The following ZNG1F variants were observed in gnomAD, a reference collection of about 807,000 sequenced individuals.
The protein encoded by ZNG1F is zinc-regulated GTPase metalloprotein activator 1F.
chr9:41,203,039 G>T, the ZNG1F span, among the ~76,000 whole-genome samples: 3 of 152,192 alleles, frequency 2.0e-5, no homozygotes, highest in Non-Finnish European at 4.4e-5. Flanking sequence ...ACTTGGATTT[G>T]TCTTATGTTT....
chr9:41,154,701 C>T, the ZNG1F span, among the ~76,000 whole-genome samples: 3 of 149,212 alleles, frequency 2.0e-5, no homozygotes, highest in African/African-American at 7.4e-5. Flanking sequence ...AATAATGCCG[C>T]ATATCTACAA....
the ZNG1F span, among the ~76,000 whole-genome samples, chr9:41,199,898 T>C: frequency 6.8e-6 from 1 of 147,874 alleles, no homozygotes; most frequent in African/African-American, 2.5e-5. Context: ...TTGGCTCCTT[T>C]CATTCATGGC....
chr9:41,150,791 AGAAAG>A, the ZNG1F span, among the ~76,000 whole-genome samples: 1 of 68,832 alleles, frequency 1.5e-5, no homozygotes, highest in South Asian at 6.8e-4. Context: ...ACTAACAAAC[AGAAAG>A]GACATCCACA....
At chr9:41,155,192 A>G in the ZNG1F span, among the ~76,000 whole-genome samples, 1 of 151,430 alleles carries the variant, frequency 6.6e-6, no homozygotes, top group Non-Finnish European at 1.5e-5. Flanking sequence ...AAAGTGGGCG[A>G]AGGACATGAA....
the ZNG1F span, among the ~76,000 whole-genome samples, chr9:41,149,933 CT>C: frequency 6.7e-6 from 1 of 149,160 alleles, no homozygotes; most frequent in Non-Finnish European, 1.5e-5. Flanking sequence ...AGGCAGAAAA[CT>C]AATCCATTAT....
At chr9:41,134,072 T>G in the ZNG1F span, 8 of 340,740 alleles carry the variant, frequency 2.3e-5, no homozygotes, top group South Asian at 2.5e-4. Context: ...ATGTAACACA[T>G]ACAATGTACT....
chr9:41,171,752 A>G, the ZNG1F span: 3 of 798,734 alleles, frequency 3.8e-6, no homozygotes, highest in Non-Finnish European at 4.9e-6. Context: ...CTCTGTCTCA[A>G]AAAAAAAAAA....
chr9:41,166,223 C>T, the ZNG1F span, among the ~76,000 whole-genome samples: 1 of 128,684 alleles, frequency 7.8e-6, no homozygotes, highest in Non-Finnish European at 1.6e-5. Context: ...CATGGTGAAA[C>T]CCCATCTCTA....
the ZNG1F span, chr9:41,176,200 GA>G: frequency 7.1e-6 from 1 of 140,890 alleles, no homozygotes; most frequent in Non-Finnish European, 1.5e-5. Context: ...GTCAAAATAA[GA>G]AACAAAGTTA....
At chr9:41,131,750 T>C in the ZNG1F span, 3 of 354,032 alleles carry the variant, frequency 8.5e-6, 1 homozygote, top group African/African-American at 1.1e-4. Context: ...ACAAACTTGA[T>C]CTTCTTTGAA....
the ZNG1F span, among the ~76,000 whole-genome samples, chr9:41,204,976 C>T: frequency 1.3e-5 from 2 of 150,478 alleles, no homozygotes; most frequent in African/African-American, 4.9e-5. Context: ...TAAAAAGTTG[C>T]TTAAATCTCC....
the ZNG1F span, among the ~76,000 whole-genome samples, chr9:41,150,335 C>G: frequency 6.6e-6 from 1 of 150,516 alleles, no homozygotes; most frequent in Non-Finnish European, 1.5e-5. Context: ...CCCACGGAGT[C>G]TCGCGGATTG....
At chr9:41,150,389 C>G in the ZNG1F span, among the ~76,000 whole-genome samples, 1 of 145,862 alleles carries the variant, frequency 6.9e-6, no homozygotes, top group African/African-American at 2.5e-5. Context: ...GGCAGCGAGG[C>G]TGGGGGAGGG....
the ZNG1F span, among the ~76,000 whole-genome samples, chr9:41,204,413 T>C: frequency 7.2e-5 from 1 of 13,890 alleles, no homozygotes; most frequent in East Asian, 2.6e-3. Flanking sequence ...TATATATATA[T>C]ATATATATCT....
chr9:41,169,467 T>C, the ZNG1F span, among the ~76,000 whole-genome samples: 1 of 147,668 alleles, frequency 6.8e-6, no homozygotes, highest in African/African-American at 2.5e-5. Context: ...TTAACAACTA[T>C]GGCTTTTGCT....
At chr9:41,196,168 G>A in the ZNG1F span, 1 of 54,214 alleles carries the variant, frequency 1.8e-5, no homozygotes, top group Non-Finnish European at 4.7e-5. Context: ...ATTTCTCACA[G>A]TTCTAGAGGC....
chr9:41,134,419 GATTT>G, the ZNG1F span, among the ~76,000 whole-genome samples: 3 of 73,118 alleles, frequency 4.1e-5, no homozygotes, highest in African/African-American at 1.2e-4. Context: ...TTAACTTTAG[GATTT>G]ATTTTTCTTC....
At chr9:41,142,641 TAAA>T in the ZNG1F span, among the ~76,000 whole-genome samples, 27 of 2,042 alleles carry the variant, frequency 0.013, no homozygotes, top group South Asian at 0.071. Flanking sequence ...CCATCTTTAC[TAAA>T]AAAAAAAAAA....
the ZNG1F span, among the ~76,000 whole-genome samples, chr9:41,205,216 A>C: frequency 7.8e-6 from 1 of 128,936 alleles, no homozygotes; most frequent in Non-Finnish European, 1.6e-5. Flanking sequence ...TTTTTTGTGG[A>C]GCACATCCTC....
Sources: allele counts gnomAD v4.1 joint callset (sites outside exome capture counted in the v4.1 genomes callset), GRCh38; gene constraint gnomAD v4.1.1; transcripts MANE v1.5; gene names NCBI Gene and HGNC (gene_info 2026-07-23, HGNC 2026-07-21).